The following NAP1L1 variants were observed in gnomAD, a reference collection of about 807,000 sequenced individuals.
NAP1L1 encodes nucleosome assembly protein 1-like 1.
NAP1L1 carries 9 observed loss-of-function variants against 58.9 expected under a neutral mutation model. That is an observed-to-expected ratio of 0.15 (90% confidence interval 0.09 to 0.27). The LOEUF (loss-of-function observed/expected upper bound fraction) is 0.27, where lower values mean the gene tolerates loss of function less well. NAP1L1 is among the 10% of genes least tolerant of loss of function. The pLI is 1.00. For missense variants in NAP1L1, 302 were observed against 458.8 expected (o/e 0.66, Z 3.12); for synonymous variants, 130 against 138.3 (o/e 0.94, Z 0.42).
chr12:76,065,952 T>C (rs1949645278), intron 4 of NAP1L1, among the ~76,000 whole-genome samples: 1 of 146,760 alleles, frequency 6.8e-6, no homozygotes, highest in Non-Finnish European at 1.5e-5. Context: ...AACATAAGAG[T>C]GCTGCTCAAA....
rs1022954137 is a variant in NAP1L1, at chr12:76,043,757, A to G, written c.*4672T>C. The G allele has an allele frequency of 1.3e-5, 2 of 152,172 alleles. No individual in the cohort carries two copies. Among genetic ancestry groups the G allele is most frequent in the Admixed American group, 6.5e-5 (1 of 15,276 alleles). The allele number at this position is 152,172 out of a possible 1,614,324, so 9.4% of individuals were successfully genotyped here. A position where few individuals can be genotyped will look rare whatever the true frequency, so the allele number is the denominator to read the frequency against. ...TCAGAGGTTCTTCCTCTCACTTCAC[A>G]AATTCCTACAGATTCTCAAAATCTC... On this transcript the variant is annotated 3_prime_UTR_variant, in exon 15 of 15. Transcript: ENST00000618691.
At position 76,038,866 on chromosome 12, in the gene NAP1L1, A is replaced by G. The variant is rs1212891772; in HGVS notation, c.*9563T>C. 1 of 152,164 alleles carries G rather than the reference A, an allele frequency of 6.6e-6. No individual in the cohort carries two copies. The highest frequency in any genetic ancestry group is 1.9e-4 in the East Asian group (1 of 5,196). 9.4% of individuals were successfully genotyped at this position (152,164 alleles called of 1,614,324 possible). On this transcript the variant is annotated 3_prime_UTR_variant, in exon 15 of 15. Coordinates refer to ENST00000618691, the MANE Select transcript of NAP1L1 (RefSeq NM_004537.7). Reference sequence around the variant, plus strand: ...ACCCCTTAAACATGTCAGAAACCAGAAAGTTTTTGTTTCTAATGAGATTTC... The same window carrying G: ...ACCCCTTAAACATGTCAGAAACCAGGAAGTTTTTGTTTCTAATGAGATTTC...
In NAP1L1 at chr12:76,060,091, T is replaced by C. The variant is rs754268345; in HGVS notation, c.348+47A>G. The C allele has an allele frequency of 2.5e-5, 40 of 1,571,706 alleles. No homozygotes were observed. The Admixed American group carries it at 6.9e-4, about 27-fold the overall frequency. ...TCCAAGTCTGCTTATGTTTCTAGAA[T>C]TCGTCTTCTAGAATGTTAAATTAAA... On this transcript the variant is annotated intron_variant, in intron 5 of 14. Transcript: ENST00000618691.
intron 1 of NAP1L1, among the ~76,000 whole-genome samples, chr12:76,075,640 T>A (rs1283541297): frequency 6.6e-6 from 1 of 152,150 alleles, no homozygotes; most frequent in Non-Finnish European, 1.5e-5. Flanking sequence ...GGGTAATGAG[T>A]CAGCATTTAC....
chr12:76,058,075 AACAG>A (rs1949206115), intron 6 of NAP1L1: 1 of 765,182 alleles, frequency 1.3e-6, no homozygotes, highest in Non-Finnish European at 2.4e-6. Flanking sequence ...ATTCAGGAAA[AACAG>A]ACAGAAGTAG....
At chr12:76,057,884 ACTATAG>A (rs1461580965) in intron 6 of NAP1L1, 1 of 1,380,370 alleles carries the variant, frequency 7.2e-7, no homozygotes, top group Non-Finnish European at 1.0e-6. Flanking sequence ...ACAAAAGGTT[ACTATAG>A]CCAAAATTCC....
intron 3 of NAP1L1, chr12:76,067,711 C>A: frequency 2.6e-6 from 1 of 391,746 alleles, no homozygotes. Context: ...GCCACTGCCA[C>A]AACTATATGA....
intron 9 of NAP1L1, 59 bp downstream of exon 9, chr12:76,053,711 A>C (rs1565718713): frequency 1.3e-6 from 2 of 1,561,502 alleles, no homozygotes; most frequent in Non-Finnish European, 1.7e-6. Flanking sequence ...CCGAGTATAC[A>C]AATCAAGTAT....
rs80325955 is a variant in NAP1L1, at chr12:76,054,014, T to A, written c.631-105A>T. On this transcript the variant is annotated intron_variant, in intron 8 of 14. Coordinates refer to ENST00000618691, the MANE Select transcript of NAP1L1 (RefSeq NM_004537.7). Reference sequence around the variant, plus strand: ...TTTTATAAATATTCTAAATGATAATTTTTTTTTCTACTCTGAAATACAATC... The same window carrying A: ...TTTTATAAATATTCTAAATGATAATATTTTTTTCTACTCTGAAATACAATC... 35 of 1,127,454 alleles carry A rather than the reference T, an allele frequency of 3.1e-5. 1 individual carries two copies. In the East Asian group the frequency reaches 1.1e-3, roughly 35 times the overall value. 69.8% of individuals were successfully genotyped at this position (1,127,454 alleles called of 1,614,324 possible).
chr12:76,041,410 T>C lies in NAP1L1; in HGVS notation c.*7019A>G, dbSNP rs1948549617. On this transcript the variant is annotated 3_prime_UTR_variant, in exon 15 of 15. Transcript: ENST00000618691. ...AAAAGGAGATCCTATGTTGAACTAG[T>C]AAAACACATGCACAAAAGCCCAGTG... 1 of 152,206 alleles carries C rather than the reference T, an allele frequency of 6.6e-6. No individual in the cohort carries two copies. Among genetic ancestry groups the C allele is most frequent in the Admixed American group, 6.5e-5 (1 of 15,268 alleles). 9.4% of individuals were successfully genotyped at this position (152,206 alleles called of 1,614,324 possible). A position where few individuals can be genotyped will look rare whatever the true frequency, so the allele number is the denominator to read the frequency against.
intron 2 of NAP1L1, among the ~76,000 whole-genome samples, chr12:76,072,991 T>C (rs982568846): frequency 2.0e-5 from 3 of 151,942 alleles, no homozygotes; most frequent in South Asian, 2.1e-4. Context: ...CTCAGGAAGA[T>C]AGTAAAATAG....
At position 76,043,796 on chromosome 12, in the gene NAP1L1, T is replaced by A. The variant is rs1393180601; in HGVS notation, c.*4633A>T. 2 of 152,198 alleles carry A rather than the reference T, an allele frequency of 1.3e-5. No individual in the cohort carries two copies. Among genetic ancestry groups the A allele is most frequent in the African/African-American group, 4.8e-5 (2 of 41,452 alleles). The allele number at this position is 152,198 out of a possible 1,614,324, so 9.4% of individuals were successfully genotyped here. A position where few individuals can be genotyped will look rare whatever the true frequency, so the allele number is the denominator to read the frequency against. ...TCTCAAAATCTCAGCTAAAAGCTCATACAAATTTTGAGCCTTCTGGTAGCA... is the reference window on the plus strand; with the variant it reads ...TCTCAAAATCTCAGCTAAAAGCTCAAACAAATTTTGAGCCTTCTGGTAGCA... On this transcript the variant is annotated 3_prime_UTR_variant, in exon 15 of 15. Coordinates refer to ENST00000618691, the MANE Select transcript of NAP1L1 (RefSeq NM_004537.7).
At chr12:76,057,394 G>A (rs1330928338) in intron 6 of NAP1L1, 2 of 451,278 alleles carry the variant, frequency 4.4e-6, no homozygotes, top group South Asian at 2.2e-5. Context: ...CTTACAAAAA[G>A]GAAAAATATT....
In NAP1L1 at chr12:76,056,021, G is replaced by C; in HGVS notation, c.558+12C>G. On this transcript the variant is annotated intron_variant, in intron 7 of 14. Coordinates refer to ENST00000618691, the MANE Select transcript of NAP1L1 (RefSeq NM_004537.7). Reference sequence around the variant, plus strand: ...CTTCAAAGTAAACTGGTACATTTATGAATAAAATTACCTGAACCATATCAC... The same window carrying C: ...CTTCAAAGTAAACTGGTACATTTATCAATAAAATTACCTGAACCATATCAC... 6.2e-7 allele frequency: 1 copy of C among 1,609,924 alleles called. No individual in the cohort carries two copies. Among genetic ancestry groups the C allele is most frequent in the East Asian group, 2.2e-5 (1 of 44,744 alleles).
At chr12:76,048,485 GTCAA>G in intron 14 of NAP1L1, 21 bp from the exon 15 acceptor site, 2 of 1,613,384 alleles carry the variant, frequency 1.2e-6, no homozygotes, top group Admixed American at 1.7e-5. Flanking sequence ...AAAACAACAA[GTCAA>G]TCTATCTTCT....
At chr12:76,061,901 G>A (rs759720066) in intron 4 of NAP1L1, among the ~76,000 whole-genome samples, 1 of 152,168 alleles carries the variant, frequency 6.6e-6, no homozygotes, top group East Asian at 1.9e-4. Flanking sequence ...CCCCCAAAAA[G>A]CTAATCCCAG....
intron 1 of NAP1L1, among the ~76,000 whole-genome samples, chr12:76,081,802 C>G (rs1191267458): frequency 6.6e-6 from 1 of 152,148 alleles, no homozygotes; most frequent in East Asian, 1.9e-4. Context: ...CCTTCTAACC[C>G]CTATTCTGCC....
At chr12:76,067,958 T>C (rs1949760328) in intron 3 of NAP1L1, among the ~76,000 whole-genome samples, 1 of 152,194 alleles carries the variant, frequency 6.6e-6, no homozygotes, top group South Asian at 2.1e-4. Context: ...TGAATAAAGT[T>C]AATAAAGTTA....
In NAP1L1 at chr12:76,067,585, T is replaced by C. The variant is rs908541445; in HGVS notation, c.104-112A>G. 14 of 756,940 alleles carry C rather than the reference T, an allele frequency of 1.8e-5. No individual in the cohort carries two copies. In the African/African-American group the frequency reaches 2.3e-4, roughly 12 times the overall value. The allele number at this position is 756,940 out of a possible 1,614,324, so 46.9% of individuals were successfully genotyped here. A position where few individuals can be genotyped will look rare whatever the true frequency, so the allele number is the denominator to read the frequency against. On this transcript the variant is annotated intron_variant, in intron 3 of 14. Transcript: ENST00000618691. ...TCCTAACTGGCCCATAAATTGCTGG[T>C]ATATCTAATGAGTAGAGACGGGCAG...
Sources: gnomAD v4.1 joint callset for allele counts (sites outside exome capture counted in the v4.1 genomes callset) on GRCh38, gnomAD v4.1.1 for gene constraint, MANE v1.5 for transcripts, NCBI Gene and HGNC (gene_info 2026-07-23, HGNC 2026-07-21) for gene names.